The following TUBB6 variants were observed in gnomAD, a reference collection of about 807,000 sequenced individuals.
TUBB6 encodes the protein tubulin beta-6 chain.
Under a neutral mutation model 32.3 loss-of-function variants are expected in TUBB6, and 18 were observed. That is an observed-to-expected ratio of 0.56 (90% CI 0.39 to 0.83). The LOEUF is 0.83. Ranked by LOEUF, TUBB6 falls within the 40% of genes least tolerant of loss-of-function variation. The pLI is 0.00. For missense variants in TUBB6, 480 were observed against 632.0 expected (o/e 0.76, Z 2.58); for synonymous variants, 280 against 265.8 (o/e 1.05, Z -0.52).
chr18:12,321,059 G>T (rs1157178355), intron 3 of TUBB6, among the ~76,000 whole-genome samples: 1 of 152,146 alleles, frequency 6.6e-6, no homozygotes, highest in Non-Finnish European at 1.5e-5. Flanking sequence ...TATGAGAAGG[G>T]TTTAGCATTA....
At chr18:12,320,035 G>A (rs1402611177) in intron 3 of TUBB6, among the ~76,000 whole-genome samples, 7 of 151,808 alleles carry the variant, frequency 4.6e-5, no homozygotes, top group African/African-American at 7.3e-5. Context: ...TGATCCACCC[G>A]CCTCGGCCTC....
intron 2 of TUBB6, among the ~76,000 whole-genome samples, chr18:12,309,118 A>G (rs1906199607): frequency 6.6e-6 from 1 of 152,064 alleles, no homozygotes; most frequent in Non-Finnish European, 1.5e-5. Flanking sequence ...TGGGAGGCCG[A>G]GACTGGAGGA....
At chr18:12,317,811 A>G (rs1223298861) in intron 3 of TUBB6, among the ~76,000 whole-genome samples, 1 of 152,248 alleles carries the variant, frequency 6.6e-6, no homozygotes, top group Non-Finnish European at 1.5e-5. Flanking sequence ...ATCACACCGT[A>G]TCAGTACAGA....
Position 12,309,556 on chromosome 18 carries a change from C to T in TUBB6, c.166+761C>T, listed in dbSNP as rs117267886. On this transcript the variant is annotated intron_variant, in intron 2 of 3. Coordinates refer to ENST00000317702, the MANE Select transcript of TUBB6 (RefSeq NM_032525.3). ...TGAAACTCCAGGCAGTTCTCAGCAA[C>T]GAGTGGAGTTTTATTCATTTACGCA... Among the ~76,000 whole-genome samples the T allele has an allele frequency of 2.6e-4, 40 of 152,154 alleles. 1 individual carries two copies. The East Asian group carries it at 7.3e-3, about 28-fold the overall frequency.
At chr18:12,327,733 T>G (rs1907384385), downstream of TUBB6, among the ~76,000 whole-genome samples, 1 of 152,102 alleles carries the variant, frequency 6.6e-6, no homozygotes, top group Non-Finnish European at 1.5e-5. Flanking sequence ...GCCCAGAGCT[T>G]AAGGTTGCTC....
At chr18:12,329,748 A>G, downstream of TUBB6, 3 of 1,614,200 alleles carry the variant, frequency 1.9e-6, no homozygotes, top group South Asian at 3.3e-5. Context: ...TATCATTCTT[A>G]TCTAATACTT....
Position 12,308,289 on chromosome 18 carries a change from C to T in TUBB6, c.-4C>T. On this transcript the variant is annotated 5_prime_UTR_variant, in exon 1 of 4. Coordinates refer to ENST00000317702, the MANE Select transcript of TUBB6 (RefSeq NM_032525.3). ...CCAGTTCCTAGCGCAGAGCCGCGCCCGCCATGAGGGAGATCGTGCACATCC... is the reference window on the plus strand; with the variant it reads ...CCAGTTCCTAGCGCAGAGCCGCGCCTGCCATGAGGGAGATCGTGCACATCC... 1 of 1,463,206 alleles carries T rather than the reference C, an allele frequency of 6.8e-7. No homozygotes were observed. The highest frequency in any genetic ancestry group is 9.1e-7 in the Non-Finnish European group (1 of 1,102,468). The allele number at this position is 1,463,206 out of a possible 1,614,324, so 90.6% of individuals were successfully genotyped here.
intron 2 of TUBB6, 121 bp downstream of exon 2, chr18:12,308,916 G>A: frequency 1.5e-6 from 1 of 678,986 alleles, no homozygotes; most frequent in Non-Finnish European, 2.7e-6. Context: ...AGGATGCCCG[G>A]CCACTCCCTT....
At position 12,326,222 on chromosome 18, in the gene TUBB6, C is replaced by T. The variant is rs1907320808; in HGVS notation, c.*92C>T. Reference sequence around the variant, plus strand: ...CTACCCTATGGCCCTGAATGGTGCACTGGTTTAATTGTGTTGGTGTCGGCC... The same window carrying T: ...CTACCCTATGGCCCTGAATGGTGCATTGGTTTAATTGTGTTGGTGTCGGCC... On this transcript the variant is annotated 3_prime_UTR_variant, in exon 4 of 4. Transcript: ENST00000317702. 1.3e-6 allele frequency: 2 copies of T among 1,482,920 alleles called. No individual in the cohort carries two copies. The highest frequency in any genetic ancestry group is 4.9e-5 in the Admixed American group (2 of 40,848). The allele number at this position is 1,482,920 out of a possible 1,614,324, so 91.9% of individuals were successfully genotyped here.
intron 2 of TUBB6, among the ~76,000 whole-genome samples, chr18:12,309,819 A>G (rs1010024065): frequency 6.6e-6 from 1 of 152,198 alleles, no homozygotes; most frequent in African/African-American, 2.4e-5. Context: ...TGAAATTTCC[A>G]CACAAGAACA....
At chr18:12,324,185 C>T (rs1202331635) in intron 3 of TUBB6, among the ~76,000 whole-genome samples, 1 of 151,900 alleles carries the variant, frequency 6.6e-6, no homozygotes, top group Non-Finnish European at 1.5e-5. Flanking sequence ...CTGGCTAACA[C>T]GGTGAAACCC....
At chr18:12,329,793 G>A, downstream of TUBB6, 1 of 1,604,494 alleles carries the variant, frequency 6.2e-7, no homozygotes. Flanking sequence ...CCTGAAATAT[G>A]AACAATTTTC....
chr18:12,323,959 CTT>C (rs896770737), intron 3 of TUBB6, among the ~76,000 whole-genome samples: 4 of 152,202 alleles, frequency 2.6e-5, no homozygotes, highest in African/African-American at 9.6e-5. Context: ...ACTTCCTGTG[CTT>C]AGTATTTAAT....
Position 12,325,409 on chromosome 18 carries a change from T to C in TUBB6, c.620T>C (p.Leu207Pro). ...ACCTACTGCATCGACAACGAGGCGC[T>C]CTATGACATCTGCTTCCGCACTCTG... The part of the protein sequence containing the change: ...DETYCIDNEA[L>P]YDICFRTLKL... Residue 207 changes from leucine (L) to proline (P), a missense_variant, in exon 4 of 4, where the codon CTC (leucine) becomes CCC (proline). Transcript: ENST00000317702. 1 of 1,614,198 alleles carries C rather than the reference T, an allele frequency of 6.2e-7. No homozygotes were observed. The highest frequency in any genetic ancestry group is 1.1e-5 in the South Asian group (1 of 91,086).
In TUBB6 at chr18:12,325,517, C is replaced by T. The variant is rs751133260; in HGVS notation, c.728C>T (p.Pro243Leu). ...GGGGTCACCACCTCGCTGCGCTTCC[C>T]GGGCCAGCTCAATGCTGACCTGCGC... is the stretch of plus-strand genomic sequence containing the variant. ...MSGVTTSLRF[P>L]GQLNADLRKL... is the part of the protein sequence containing the mutation. Residue 243 changes from proline (P) to leucine (L), a missense_variant, in exon 4 of 4, where the codon CCG becomes CTG. Pro to Leu is a moderately conservative substitution (Grantham distance 98). Coordinates refer to ENST00000317702, the MANE Select transcript of TUBB6 (RefSeq NM_032525.3). 1.2e-6 allele frequency: 2 copies of T among 1,614,212 alleles called. No homozygotes were observed. Among genetic ancestry groups the T allele is most frequent in the South Asian group, 1.1e-5 (1 of 91,090 alleles).
At chr18:12,329,459 C>A (rs1907442693), downstream of TUBB6, 1 of 1,221,350 alleles carries the variant, frequency 8.2e-7, no homozygotes, top group Non-Finnish European at 1.2e-6. Context: ...GGGCCAGTGG[C>A]TGGCTAAAAT....
rs1907200848 is a variant in TUBB6, at chr18:12,325,066, G to C, written c.278-1G>C. 6.4e-7 allele frequency: 1 copy of C among 1,565,870 alleles called. No homozygotes were observed. Among genetic ancestry groups the C allele is most frequent in the Non-Finnish European group, 8.7e-7 (1 of 1,152,764 alleles). On this transcript the variant is annotated splice_acceptor_variant, in intron 3 of 3. Transcript: ENST00000317702. LOFTEE classifies it high-confidence loss of function. ...ACGGCACGGGACTCTCTTTGTTGCAGGCCAGACGGGTGCAGGGAACAACTG... is the reference window on the plus strand; with the variant it reads ...ACGGCACGGGACTCTCTTTGTTGCACGCCAGACGGGTGCAGGGAACAACTG...
At chr18:12,312,298 T>C (rs9960329) in intron 3 of TUBB6, among the ~76,000 whole-genome samples, 149,247 of 152,190 alleles carry the variant, frequency 0.98, 73,257 homozygotes, top group East Asian at 1. Context: ...ATATCAAATG[T>C]AGTTGTGTTT....
At chr18:12,310,845 C>A in intron 2 of TUBB6, 98 bp from the exon 3 acceptor site, 3 of 741,178 alleles carry the variant, frequency 4.0e-6, no homozygotes, top group East Asian at 2.9e-5. Flanking sequence ...CTGGTTGATC[C>A]ATTCCAGGCA....
Sources: allele counts gnomAD v4.1 joint callset (sites outside exome capture counted in the v4.1 genomes callset), GRCh38; gene constraint gnomAD v4.1.1; transcripts MANE v1.5; gene names NCBI Gene and HGNC (gene_info 2026-07-23, HGNC 2026-07-21).